The following OPCML variants were observed in gnomAD, a reference collection of about 807,000 sequenced individuals.
The protein encoded by OPCML is opioid binding protein/cell adhesion molecule like.
Under a neutral mutation model 37.8 loss-of-function variants are expected in OPCML, and 13 were observed. The ratio of observed to expected loss-of-function variants is 0.34; its 90% CI spans 0.22 to 0.55. The LOEUF (loss-of-function observed/expected upper bound fraction) is 0.55, where lower values mean the gene tolerates loss of function less well. OPCML is among the 20% of genes least tolerant of loss of function. The probability of loss-of-function intolerance (pLI) is 0.91; values close to 1 mark genes in which losing one functional copy is unlikely to be tolerated. For synonymous variants in OPCML, 176 were observed against 168.8 expected (o/e 1.04, Z -0.33); for missense variants, 341 against 435.6 (o/e 0.78, Z 1.93).
At chr11:133,059,555 T>C (rs185445886) in intron 1 of OPCML, among the ~76,000 whole-genome samples, 36 of 152,298 alleles carry the variant, frequency 2.4e-4, no homozygotes, top group African/African-American at 7.9e-4. Flanking sequence ...CAAACGCCAG[T>C]TTCACTTAAG....
At chr11:132,700,957 G>T (rs886971040) in intron 2 of OPCML, among the ~76,000 whole-genome samples, 14 of 152,170 alleles carry the variant, frequency 9.2e-5, no homozygotes, top group Admixed American at 6.6e-4. Flanking sequence ...TACATATTTA[G>T]GTTCCCCTGT....
At chr11:133,285,839 C>A (rs964803188) in intron 1 of OPCML, among the ~76,000 whole-genome samples, 1 of 152,156 alleles carries the variant, frequency 6.6e-6, no homozygotes. Context: ...TAAGGCCCTG[C>A]ACATTCTGTA....
At chr11:132,753,580 A>G (rs1454857810) in intron 2 of OPCML, among the ~76,000 whole-genome samples, 1 of 151,370 alleles carries the variant, frequency 6.6e-6, no homozygotes, top group African/African-American at 2.5e-5. Flanking sequence ...ATAGATATGG[A>G]TAATAGGTAG....
chr11:133,088,399 G>A (rs1745240518), intron 1 of OPCML, among the ~76,000 whole-genome samples: 3 of 152,216 alleles, frequency 2.0e-5, no homozygotes, highest in East Asian at 1.9e-4. Context: ...GTGACCATGA[G>A]TGCTGTGCCC....
chr11:133,486,270 T>C (rs1315802487), intron 1 of OPCML, among the ~76,000 whole-genome samples: 3 of 152,156 alleles, frequency 2.0e-5, no homozygotes, highest in African/African-American at 7.2e-5. Flanking sequence ...TATTTCTGTT[T>C]CCTCTGTTTC....
chr11:132,520,884 T>C (rs1347581873), intron 4 of OPCML, among the ~76,000 whole-genome samples: 1 of 152,098 alleles, frequency 6.6e-6, no homozygotes, highest in East Asian at 1.9e-4. Context: ...ATCCTTTAGG[T>C]ATATACCAAA....
intron 2 of OPCML, among the ~76,000 whole-genome samples, chr11:132,755,485 C>A (rs978673578): frequency 1.3e-5 from 2 of 152,064 alleles, no homozygotes; most frequent in Admixed American, 1.3e-4. Flanking sequence ...ATATATTGCA[C>A]GTGGTTGCTA....
At chr11:133,093,945 G>C (rs981692682) in intron 1 of OPCML, among the ~76,000 whole-genome samples, 1 of 152,040 alleles carries the variant, frequency 6.6e-6, no homozygotes, top group Non-Finnish European at 1.5e-5. Flanking sequence ...TCAAAGTCAC[G>C]AATGTAAGTG....
intron 3 of OPCML, among the ~76,000 whole-genome samples, chr11:132,629,595 A>C (rs1237513252): frequency 6.6e-6 from 1 of 152,196 alleles, no homozygotes. Context: ...TATGCCAATA[A>C]TATCCTCTTT....
intron 2 of OPCML, among the ~76,000 whole-genome samples, chr11:132,705,191 A>G (rs1943983219): frequency 6.6e-6 from 1 of 152,178 alleles, no homozygotes; most frequent in Non-Finnish European, 1.5e-5. Context: ...GCCTGCTGGC[A>G]GCTGATTGGA....
chr11:132,547,959 C>T (rs75397486), intron 3 of OPCML, among the ~76,000 whole-genome samples: 58 of 152,320 alleles, frequency 3.8e-4, no homozygotes, highest in African/African-American at 1.3e-3. Flanking sequence ...AAAATGAGAG[C>T]TTAGACCTGG....
At position 132,416,906 on chromosome 11, in the gene OPCML, T is replaced by C. The variant is rs958517303; in HGVS notation, c.*3287A>G. 2.0e-5 allele frequency: 3 copies of C among 152,584 alleles called. No individual in the cohort carries two copies. Among genetic ancestry groups the C allele is most frequent in the Non-Finnish European group, 2.9e-5 (2 of 68,034 alleles). 9.5% of individuals were successfully genotyped at this position (152,584 alleles called of 1,614,324 possible). ...GACATTAAACTACTGAAAAACAAGCTTGGCTGCAGCCTTAACACGAGCACT... is the reference window on the plus strand; with the variant it reads ...GACATTAAACTACTGAAAAACAAGCCTGGCTGCAGCCTTAACACGAGCACT... On this transcript the variant is annotated 3_prime_UTR_variant, in exon 8 of 8. Coordinates refer to ENST00000524381, the MANE Select transcript of OPCML (RefSeq NM_001012393.5).
chr11:133,347,399 A>G (rs1944027961), intron 1 of OPCML, among the ~76,000 whole-genome samples: 1 of 152,236 alleles, frequency 6.6e-6, no homozygotes, highest in Non-Finnish European at 1.5e-5. Context: ...TAGCCATCCC[A>G]TAGAAAGATT....
chr11:133,138,647 T>C (rs1012460177), intron 1 of OPCML, among the ~76,000 whole-genome samples: 1 of 152,110 alleles, frequency 6.6e-6, no homozygotes, highest in Non-Finnish European at 1.5e-5. Flanking sequence ...CCAAATCCCA[T>C]TTATGCCTAA....
chr11:133,056,255 G>T (rs1327631714), intron 1 of OPCML, among the ~76,000 whole-genome samples: 1 of 152,196 alleles, frequency 6.6e-6, no homozygotes, highest in African/African-American at 2.4e-5. Context: ...AAAATTGATT[G>T]TAATTTCATA....
intron 4 of OPCML, among the ~76,000 whole-genome samples, chr11:132,501,959 G>A (rs938693749): frequency 8.5e-5 from 13 of 152,180 alleles, no homozygotes; most frequent in Non-Finnish European, 1.6e-4. Flanking sequence ...AGGAAGAAAA[G>A]CAAGATCTAA....
chr11:132,431,974 G>T (rs1157787395), intron 7 of OPCML, among the ~76,000 whole-genome samples: 1 of 152,196 alleles, frequency 6.6e-6, no homozygotes, highest in Non-Finnish European at 1.5e-5. Context: ...TGATGTGGGA[G>T]ATGGGTCCAA....
intron 1 of OPCML, among the ~76,000 whole-genome samples, chr11:133,217,196 C>T (rs1243467578): frequency 6.6e-6 from 1 of 152,172 alleles, no homozygotes; most frequent in Non-Finnish European, 1.5e-5. Context: ...TTTTTCTGGT[C>T]AACCTTCAGA....
At chr11:133,424,229 T>C (rs1362475466) in intron 1 of OPCML, among the ~76,000 whole-genome samples, 1 of 152,156 alleles carries the variant, frequency 6.6e-6, no homozygotes, top group Non-Finnish European at 1.5e-5. Context: ...TTGCTTGGGC[T>C]CTCCTGCCTC....
Sources: gnomAD v4.1 joint callset for allele counts (sites outside exome capture counted in the v4.1 genomes callset) on GRCh38, gnomAD v4.1.1 for gene constraint, MANE v1.5 for transcripts, NCBI Gene and HGNC (gene_info 2026-07-23, HGNC 2026-07-21) for gene names.